INTS2: variants seen among roughly 807,000 people sequenced by gnomAD.
INTS2 encodes KIAA1287.
INTS2 carries 57 observed loss-of-function variants against 139.6 expected under a neutral mutation model. The ratio of observed to expected loss-of-function variants is 0.41; its 90% CI spans 0.33 to 0.51. The LOEUF is 0.51. Among genes scored for constraint, INTS2 ranks in the 20% least tolerant of loss-of-function variants. INTS2 has a pLI of 0.28. For missense variants in INTS2, 1,196 were observed against 1,436.7 expected (o/e 0.83, Z 2.71); for synonymous variants, 473 against 493.4 (o/e 0.96, Z 0.55).
In INTS2 at chr17:61,870,255, AATG is replaced by A. The variant is rs1489171856; in HGVS notation, c.2779-270_2779-268del. Among the ~76,000 whole-genome samples the A allele has an allele frequency of 2.6e-5, 4 of 152,208 alleles. No individual in the cohort carries two copies. Among genetic ancestry groups the A allele is most frequent in the Admixed American group, 2.6e-4 (4 of 15,280 alleles). On this transcript the variant is annotated intron_variant, in intron 20 of 24. Coordinates refer to ENST00000251334, the MANE Select transcript of INTS2 (RefSeq NM_001351695.2). This position sits in a 1 kb window ranked among gnomAD's most constrained non-coding sequence, Gnocchi z 4.4. ...CATACATAAACAAACATCATTACAT[AATG>A]ATATCACATATCTCTAAAATAGATC... is the stretch of plus-strand genomic sequence containing the variant.
Position 61,893,689 on chromosome 17 carries a change from C to G in INTS2, c.1698+76G>C. ...CAACCTGGGTGACTGAGCAAGACTC[C>G]ATCTCAAAAGAAAAAAAATATATAT... On this transcript the variant is annotated intron_variant, in intron 13 of 24. Coordinates refer to ENST00000251334, the MANE Select transcript of INTS2 (RefSeq NM_001351695.2). This position sits in a 1 kb window ranked among gnomAD's most constrained non-coding sequence, Gnocchi z 5.4. The G allele has an allele frequency of 8.8e-7, 1 of 1,131,380 alleles. No individual in the cohort carries two copies. Among genetic ancestry groups the G allele is most frequent in the Non-Finnish European group, 1.2e-6 (1 of 862,174 alleles). 70.1% of individuals were successfully genotyped at this position (1,131,380 alleles called of 1,614,324 possible).
At chr17:61,923,491 A>AG (rs913117819) in intron 3 of INTS2, among the ~76,000 whole-genome samples, 1 of 151,208 alleles carries the variant, frequency 6.6e-6, no homozygotes, top group African/African-American at 2.4e-5. Flanking sequence ...AAAAAAAAAA[A>AG]AAAAAAAAAA....
At chr17:61,895,239 G>T in intron 12 of INTS2, 76 bp downstream of exon 12, 1 of 755,652 alleles carries the variant, frequency 1.3e-6, no homozygotes, top group Non-Finnish European at 2.2e-6. Flanking sequence ...TTTTCTTAAG[G>T]TAAGACACAC....
At chr17:61,881,411 A>G (rs2079177616) in intron 16 of INTS2, among the ~76,000 whole-genome samples, 2 of 152,228 alleles carry the variant, frequency 1.3e-5, no homozygotes, top group Non-Finnish European at 2.9e-5. Flanking sequence ...AGCCTGGCCA[A>G]CATGGCAAAA....
intron 3 of INTS2, among the ~76,000 whole-genome samples, chr17:61,923,018 A>G: frequency 6.6e-6 from 1 of 152,004 alleles, no homozygotes; most frequent in East Asian, 1.9e-4. Context: ...CAAAGGTTGC[A>G]GTGAGCAAGA....
Position 61,906,950 on chromosome 17 carries a change from GGA to G in INTS2, c.1181+456_1181+457del, listed in dbSNP as rs1204798848. Among the ~76,000 whole-genome samples, 3 of 122,954 alleles carry G rather than the reference GGA, an allele frequency of 2.4e-5. No homozygotes were observed. In the East Asian group the frequency reaches 8.8e-4, roughly 36 times the overall value. 80.7% of individuals were successfully genotyped at this position (122,954 alleles called of 152,430 possible). ...CTGCACTCCAGCCTGGGCGACAGACGGAGATTCCATCTCAAAAAAAAAAAAAA... is the reference window on the plus strand; with the variant it reads ...CTGCACTCCAGCCTGGGCGACAGACGGATTCCATCTCAAAAAAAAAAAAAA... On this transcript the variant is annotated intron_variant, in intron 8 of 24. Coordinates refer to ENST00000251334, the MANE Select transcript of INTS2 (RefSeq NM_001351695.2).
intron 16 of INTS2, 86 bp from the exon 17 acceptor site, chr17:61,881,257 A>G (rs1359746809): frequency 3.8e-6 from 4 of 1,054,436 alleles, no homozygotes; most frequent in Non-Finnish European, 5.5e-6. Flanking sequence ...TCAAGCCATC[A>G]GCCCACAAGG....
At chr17:61,905,618 G>A (rs1326420827) in intron 8 of INTS2, among the ~76,000 whole-genome samples, 2 of 152,224 alleles carry the variant, frequency 1.3e-5, no homozygotes, top group Admixed American at 1.3e-4. Context: ...GAGCCACTGT[G>A]CCCGGTCTTA....
At chr17:61,925,817 G>A (rs180975313) in intron 2 of INTS2, among the ~76,000 whole-genome samples, 37 of 151,982 alleles carry the variant, frequency 2.4e-4, no homozygotes, top group Admixed American at 2.3e-3. Flanking sequence ...CTGAGGCCAG[G>A]AGTTGGAGAC....
chr17:61,885,935 A>G (rs1399117030), intron 15 of INTS2, among the ~76,000 whole-genome samples: 2 of 151,332 alleles, frequency 1.3e-5, no homozygotes, highest in African/African-American at 4.9e-5. Context: ...TCACTGTGTT[A>G]GCCAGGATGG....
In INTS2 at chr17:61,914,416, C is replaced by T. The variant is rs1003189792; in HGVS notation, c.650-2346G>A. Among the ~76,000 whole-genome samples the T allele has an allele frequency of 4.6e-5, 7 of 152,108 alleles. No homozygotes were observed. The South Asian group carries it at 6.2e-4, about 14-fold the overall frequency. On this transcript the variant is annotated intron_variant, in intron 5 of 24. Transcript: ENST00000251334. ...ACAAAAATACAAAAAATTAGCTGGG[C>T]GCGCCAGGTGCAGTGGCTCACGCCT...
chr17:61,912,170 A>T, intron 5 of INTS2, 100 bp from the exon 6 acceptor site: 1 of 1,311,412 alleles, frequency 7.6e-7, no homozygotes, highest in Non-Finnish European at 1.1e-6. Context: ...AAAGCACAAC[A>T]ACAGAAATTG....
At chr17:61,924,913 T>A in intron 3 of INTS2, 48 bp downstream of exon 3, 1 of 1,580,842 alleles carries the variant, frequency 6.3e-7, no homozygotes, top group Non-Finnish European at 8.6e-7. Flanking sequence ...TCCCTATACA[T>A]AGACATCAAA....
At chr17:61,913,944 C>T (rs1567914780) in intron 5 of INTS2, among the ~76,000 whole-genome samples, 2 of 151,348 alleles carry the variant, frequency 1.3e-5, no homozygotes, top group South Asian at 2.1e-4. Flanking sequence ...AAAGTAAAAT[C>T]CATGACAACA....
chr17:61,872,176 G>C lies in INTS2; in HGVS notation c.2778+89C>G. Reference sequence around the variant, plus strand: ...GCACAATATGTCACCAATGTACATGGAGCGCACAATGTGCCATCTATTGAA... The same window carrying C: ...GCACAATATGTCACCAATGTACATGCAGCGCACAATGTGCCATCTATTGAA... On this transcript the variant is annotated intron_variant, in intron 20 of 24. Transcript: ENST00000251334. The surrounding 1 kb of genome is among the most constrained non-coding windows in gnomAD (Gnocchi z 4.8). 1 of 694,372 alleles carries C rather than the reference G, an allele frequency of 1.4e-6. No individual in the cohort carries two copies. Among genetic ancestry groups the C allele is most frequent in the African/African-American group, 1.8e-5 (1 of 56,878 alleles). 43.0% of individuals were successfully genotyped at this position (694,372 alleles called of 1,614,324 possible). A position where few individuals can be genotyped will look rare whatever the true frequency, so the allele number is the denominator to read the frequency against.
In INTS2 at chr17:61,897,754, C is replaced by T; in HGVS notation, c.1308-15G>A. On this transcript the variant is annotated splice_polypyrimidine_tract_variant and intron_variant, in intron 9 of 24. Transcript: ENST00000251334. This position sits in a 1 kb window ranked among gnomAD's most constrained non-coding sequence, Gnocchi z 4.4. ...GTTCAGGTGTACTATATAAAATATA[C>T]CAGAATGTCACTGGTTTAAATTAGA... The T allele has an allele frequency of 6.4e-7, 1 of 1,552,720 alleles. No homozygotes were observed. Among genetic ancestry groups the T allele is most frequent in the South Asian group, 1.2e-5 (1 of 86,140 alleles).
chr17:61,920,016 T>A (rs997039687), intron 4 of INTS2, among the ~76,000 whole-genome samples: 3 of 152,118 alleles, frequency 2.0e-5, no homozygotes, highest in African/African-American at 7.2e-5. Context: ...ACTAGCAACA[T>A]AAGGATACTT....
intron 1 of INTS2, among the ~76,000 whole-genome samples, chr17:61,926,925 T>C (rs1306274989): frequency 2.0e-5 from 3 of 152,142 alleles, no homozygotes; most frequent in Admixed American, 6.6e-5. Context: ...AAAGAAGGAA[T>C]ATGAAGCCCA....
In INTS2 at chr17:61,867,287, G is replaced by C. The variant is rs1235124817; in HGVS notation, c.*270C>G. On this transcript the variant is annotated 3_prime_UTR_variant, in exon 25 of 25. Transcript: ENST00000251334. The surrounding 1 kb of genome is among the most constrained non-coding windows in gnomAD (Gnocchi z 5.6). Reference sequence around the variant, plus strand: ...AAGGCCAAATTCCCTTTCCAATAATGAGTTTCTTACATGTGTTCCCAGTGG... The same window carrying C: ...AAGGCCAAATTCCCTTTCCAATAATCAGTTTCTTACATGTGTTCCCAGTGG... 4.6e-6 allele frequency: 1 copy of C among 219,250 alleles called. No individual in the cohort carries two copies. 13.6% of individuals were successfully genotyped at this position (219,250 alleles called of 1,614,324 possible).
Sources: allele counts gnomAD v4.1 joint callset (sites outside exome capture counted in the v4.1 genomes callset), GRCh38; gene constraint gnomAD v4.1.1; non-coding constraint Gnocchi (gnomAD v3.1); transcripts MANE v1.5; gene names NCBI Gene and HGNC (gene_info 2026-07-23, HGNC 2026-07-21).